FAM136A: variants seen among roughly 807,000 people sequenced by gnomAD.
The protein encoded by FAM136A is TIM double twin CX3C motif protein.
Under a neutral mutation model 21.6 loss-of-function variants are expected in FAM136A, and 25 were observed. The ratio of observed to expected loss-of-function variants is 1.16; its 90% confidence interval spans 0.84 to 1.62. The LOEUF is 1.62. Ranked by LOEUF, FAM136A falls within the 40% of genes most tolerant of loss-of-function variation. The pLI is 0.00. For missense variants in FAM136A, 338 were observed against 332.0 expected, an observed-to-expected ratio of 1.02 and a Z score of -0.14; for synonymous variants, 119 against 129.4, an observed-to-expected ratio of 0.92 and a Z score of 0.55.
chr2:70,299,545 G>C (rs934916845), intron 2 of FAM136A, among the ~76,000 whole-genome samples: 1 of 152,172 alleles, frequency 6.6e-6, no homozygotes, highest in African/African-American at 2.4e-5. Context: ...TACCTTTCTA[G>C]AGATTCTGCT....
rs1697273592 is a variant in FAM136A, at chr2:70,297,225, A to G, written c.*64T>C. 1 of 1,530,526 alleles carries G rather than the reference A, an allele frequency of 6.5e-7. No individual in the cohort carries two copies. The highest frequency in any genetic ancestry group is 2.3e-5 in the East Asian group (1 of 44,014). The allele number at this position is 1,530,526 out of a possible 1,614,324, so 94.8% of individuals were successfully genotyped here. A position where few individuals can be genotyped will look rare whatever the true frequency, so the allele number is the denominator to read the frequency against. ...CGTAAACTTTGCTTAAAAGACTAAA[A>G]TTCCCAATTCCTTATAAAAAATATA... On this transcript the variant is annotated 3_prime_UTR_variant, in exon 3 of 3. Coordinates refer to ENST00000430566, the MANE Select transcript of FAM136A (RefSeq NM_001329752.2).
chr2:70,301,043 C>A (rs1314517157), intron 1 of FAM136A, 63 bp from the exon 2 acceptor site: 2 of 1,559,730 alleles, frequency 1.3e-6, no homozygotes, highest in African/African-American at 1.4e-5. Flanking sequence ...GACTATGGAG[C>A]ACTACAGGAG....
rs1226664692 is a variant in FAM136A, at chr2:70,297,406, C to T, written c.621G>A (p.Glu207=). ...TGTCCAGCTGCTGCTTCACCTGAAG[C>T]TCCTTACTCCCAGCATCTATTGAAT... The part of the protein sequence containing the change: ...AKDSIDAGSK[E]LQVKQQLDSC... Residue 207 remains glutamate (E), a synonymous_variant, in exon 3 of 3, where the codon GAG becomes GAA. Coordinates refer to ENST00000430566, the MANE Select transcript of FAM136A (RefSeq NM_001329752.2). The T allele has an allele frequency of 6.2e-7, 1 of 1,614,030 alleles. No homozygotes were observed. Among genetic ancestry groups the T allele is most frequent in the Non-Finnish European group, 8.5e-7 (1 of 1,179,916 alleles).
intron 1 of FAM136A, 137 bp from the exon 2 acceptor site, chr2:70,301,117 T>C (rs900862806): frequency 4.1e-5 from 44 of 1,073,610 alleles, no homozygotes; most frequent in East Asian, 1.5e-4. Context: ...TCCCTGAGAA[T>C]AGACACCAGG....
intron 2 of FAM136A, among the ~76,000 whole-genome samples, chr2:70,298,287 G>A (rs1697309035): frequency 6.6e-6 from 1 of 151,908 alleles, no homozygotes; most frequent in Admixed American, 6.6e-5. Flanking sequence ...GTAGAGACGG[G>A]GTTTCTCCAT....
Position 70,297,384 on chromosome 2 carries a change from C to A in FAM136A, c.643G>T (p.Asp215Tyr). The A allele has an allele frequency of 6.2e-7, 1 of 1,613,958 alleles. No homozygotes were observed. Among genetic ancestry groups the A allele is most frequent in the Non-Finnish European group, 8.5e-7 (1 of 1,179,842 alleles). Residue 215 changes from aspartate (D) to tyrosine (Y), a missense_variant, in exon 3 of 3, where the codon GAC becomes TAC. Coordinates refer to ENST00000430566, the MANE Select transcript of FAM136A (RefSeq NM_001329752.2). ...SKELQVKQQLDSCVTKCVDDH... is the reference protein window; with the variant it reads ...SKELQVKQQLYSCVTKCVDDH... The stretch of plus-strand genomic sequence containing the variant: ...TCCACACACTTGGTCACACAACTGT[C>A]CAGCTGCTGCTTCACCTGAAGCTCC...
chr2:70,299,225 G>C (rs986035229), intron 2 of FAM136A, among the ~76,000 whole-genome samples: 3 of 152,206 alleles, frequency 2.0e-5, no homozygotes, highest in South Asian at 2.1e-4. Context: ...GCTATGAAAG[G>C]CTGGCTTGGA....
At chr2:70,301,457 A>G in intron 1 of FAM136A, 147 bp downstream of exon 1, 1 of 1,535,536 alleles carries the variant, frequency 6.5e-7, no homozygotes, top group Non-Finnish European at 8.7e-7. Context: ...CGGGGCTCAG[A>G]GAAGAACAGT....
Position 70,296,011 on chromosome 2 carries a change from C to T in FAM136A, c.*1278G>A, listed in dbSNP as rs1697235281. Reference sequence around the variant, plus strand: ...ATTAAACCTTATTTATTTTTAAAGTCAAACCACTAGGAAAATATATCACAG... The same window carrying T: ...ATTAAACCTTATTTATTTTTAAAGTTAAACCACTAGGAAAATATATCACAG... On this transcript the variant is annotated 3_prime_UTR_variant, in exon 3 of 3. Transcript: ENST00000430566. The T allele has an allele frequency of 6.6e-6, 1 of 152,536 alleles. No individual in the cohort carries two copies. The highest frequency in any genetic ancestry group is 2.4e-5 in the African/African-American group (1 of 41,414). 9.4% of individuals were successfully genotyped at this position (152,536 alleles called of 1,614,324 possible).
intron 1 of FAM136A, 149 bp downstream of exon 1, chr2:70,301,455 A>G (rs1488662505): frequency 6.5e-7 from 1 of 1,535,576 alleles, no homozygotes; most frequent in Non-Finnish European, 8.7e-7. Context: ...TGCGGGGCTC[A>G]GAGAAGAACA....
Position 70,301,083 on chromosome 2 carries a change from T to C in FAM136A, c.409-103A>G, listed in dbSNP as rs1574010044. 1.7e-5 allele frequency: 22 copies of C among 1,327,602 alleles called. No homozygotes were observed. In the South Asian group the frequency reaches 2.8e-4, roughly 17 times the overall value. The allele number at this position is 1,327,602 out of a possible 1,614,324, so 82.2% of individuals were successfully genotyped here. The stretch of plus-strand genomic sequence containing the variant: ...AAGGCCACGTGGATATTTGCACCTC[T>C]CTCTCCACCTTCTGCTTTCACCTTC... On this transcript the variant is annotated intron_variant, in intron 1 of 2. Transcript: ENST00000430566.
chr2:70,301,531 G>T (rs1289734530), intron 1 of FAM136A, 73 bp downstream of exon 1: 12 of 1,535,956 alleles, frequency 7.8e-6, no homozygotes, highest in South Asian at 1.2e-5. Context: ...CCTGGCCAAC[G>T]GGGAGGCCGG....
In FAM136A at chr2:70,301,769, G is replaced by T. The variant is rs746677169; in HGVS notation, c.243C>A (p.Phe81Leu). The T allele has an allele frequency of 3.2e-5, 50 of 1,544,768 alleles. No individual in the cohort carries two copies. Among genetic ancestry groups the T allele is most frequent in the Non-Finnish European group, 4.0e-5 (46 of 1,146,344 alleles). Residue 81 changes from phenylalanine to leucine, a missense_variant, in exon 1 of 3, where the codon TTC (phenylalanine) becomes TTA (leucine). Phe to Leu is a conservative substitution (Grantham distance 22). Coordinates refer to ENST00000430566, the MANE Select transcript of FAM136A (RefSeq NM_001329752.2). ...TTTCATCCGATCCGCCAAAGCTTCC[G>T]AAGTCCTGTCCGAGGCCGCCCCGGC... The part of the protein sequence containing the change: ...WGRRGGLGQD[F>L]GSFGGSDEIR...
At chr2:70,297,621 G>GTTTTT (rs55803921) in intron 2 of FAM136A, 144 bp from the exon 3 acceptor site, 248 of 250,410 alleles carry the variant, frequency 9.9e-4, no homozygotes, top group South Asian at 1.8e-3. Context: ...GATTGGCCAA[G>GTTTTT]TTTTTTTTTT....
intron 1 of FAM136A, chr2:70,301,318 G>A: frequency 7.0e-7 from 1 of 1,420,388 alleles, no homozygotes; most frequent in Non-Finnish European, 9.3e-7. Flanking sequence ...ATGGGGTTCA[G>A]AGGTCAGCAA....
chr2:70,296,089 T>C lies in FAM136A; in HGVS notation c.*1200A>G, dbSNP rs1370771045. On this transcript the variant is annotated 3_prime_UTR_variant, in exon 3 of 3. Coordinates refer to ENST00000430566, the MANE Select transcript of FAM136A (RefSeq NM_001329752.2). ...ATTATAATTTCAAGTAATAAGTTGG[T>C]GAAAATTCAACGAAGTTGCTATCAA... 1.3e-5 allele frequency: 2 copies of C among 152,740 alleles called. No individual in the cohort carries two copies. Among genetic ancestry groups the C allele is most frequent in the Admixed American group, 1.3e-4 (2 of 15,298 alleles). 9.5% of individuals were successfully genotyped at this position (152,740 alleles called of 1,614,324 possible). A position where few individuals can be genotyped will look rare whatever the true frequency, so the allele number is the denominator to read the frequency against.
rs1443175883 is a variant in FAM136A, at chr2:70,296,018, C to G, written c.*1271G>C. Reference sequence around the variant, plus strand: ...CTTATTTATTTTTAAAGTCAAACCACTAGGAAAATATATCACAGCCTGGAA... The same window carrying G: ...CTTATTTATTTTTAAAGTCAAACCAGTAGGAAAATATATCACAGCCTGGAA... On this transcript the variant is annotated 3_prime_UTR_variant, in exon 3 of 3. Coordinates refer to ENST00000430566, the MANE Select transcript of FAM136A (RefSeq NM_001329752.2). 6.5e-6 allele frequency: 1 copy of G among 152,682 alleles called. No homozygotes were observed. Among genetic ancestry groups the G allele is most frequent in the South Asian group, 2.1e-4 (1 of 4,816 alleles). 9.5% of individuals were successfully genotyped at this position (152,682 alleles called of 1,614,324 possible). A position where few individuals can be genotyped will look rare whatever the true frequency, so the allele number is the denominator to read the frequency against.
chr2:70,301,528 A>C, intron 1 of FAM136A, 76 bp downstream of exon 1: 1 of 1,536,014 alleles, frequency 6.5e-7, no homozygotes, highest in South Asian at 1.2e-5. Flanking sequence ...TGACCTGGCC[A>C]ACGGGGAGGC....
Position 70,302,053 on chromosome 2 carries a change from A to G in FAM136A, c.-42T>C, listed in dbSNP as rs376016358. ...CCCGCGGCGCTCCGCGCCGGCGCCC[A>G]TATGGAATCGGCGTACGGGCCCGCC... On this transcript the variant is annotated 5_prime_UTR_variant, in exon 1 of 3. The change abolishes an upstream ATG in the 5' untranslated region. Coordinates refer to ENST00000430566, the MANE Select transcript of FAM136A (RefSeq NM_001329752.2). 1.2e-3 allele frequency: 1,836 copies of G among 1,537,448 alleles called. 11 individuals carry two copies. The highest frequency in any genetic ancestry group is 9.6e-3 in the South Asian group (798 of 83,168).
Sources: gnomAD v4.1 joint callset for allele counts (sites outside exome capture counted in the v4.1 genomes callset) on GRCh38, gnomAD v4.1.1 for gene constraint, MANE v1.5 for transcripts, NCBI Gene and HGNC (gene_info 2026-07-23, HGNC 2026-07-21) for gene names.